The following DCC variants were observed in gnomAD, a reference collection of about 807,000 sequenced individuals.
DCC encodes DCC netrin 1 receptor.
In DCC, 58 loss-of-function variants were observed where a neutral mutation model predicts 172.5. The ratio of observed to expected loss-of-function variants is 0.34; its 90% CI spans 0.27 to 0.42. The LOEUF (loss-of-function observed/expected upper bound fraction) is 0.42. Ranked by LOEUF, DCC falls within the 10% of genes least tolerant of loss-of-function variation. DCC has a pLI of 1.00. For missense variants in DCC, 1,740 were observed against 1,791.0 expected, an observed-to-expected ratio of 0.97 and a Z score of 0.51; for synonymous variants, 709 against 644.5, an observed-to-expected ratio of 1.10 and a Z score of -1.52.
intron 1 of DCC, among the ~76,000 whole-genome samples, chr18:52,402,103 A>G (rs1348680594): frequency 1.3e-5 from 2 of 152,052 alleles, no homozygotes; most frequent in Non-Finnish European, 2.9e-5. Flanking sequence ...CCATGGACAT[A>G]TCTAACTGAT....
At chr18:52,464,680 G>C (rs1376001724) in intron 1 of DCC, among the ~76,000 whole-genome samples, 1 of 152,104 alleles carries the variant, frequency 6.6e-6, no homozygotes, top group Admixed American at 6.5e-5. Flanking sequence ...TTCAACTTGA[G>C]TTTGAAAGAG....
At chr18:53,119,503 A>G in intron 7 of DCC, among the ~76,000 whole-genome samples, 1 of 151,854 alleles carries the variant, frequency 6.6e-6, no homozygotes, top group East Asian at 1.9e-4. Context: ...CCACTCTTGT[A>G]GAAATTAGAA....
At chr18:52,765,120 C>T (rs1247852967) in intron 2 of DCC, among the ~76,000 whole-genome samples, 1 of 151,644 alleles carries the variant, frequency 6.6e-6, no homozygotes, top group African/African-American at 2.4e-5. Context: ...CCTCCGCCTC[C>T]CAGGTTCAAG....
chr18:53,494,201 A>T (rs1462280527), intron 26 of DCC, among the ~76,000 whole-genome samples: 1 of 152,128 alleles, frequency 6.6e-6, no homozygotes, highest in Non-Finnish European at 1.5e-5. Context: ...ACTGTTTATT[A>T]TTTCCGTTCC....
chr18:52,925,243 G>A lies in DCC; in HGVS notation c.858G>A (p.Lys286=), dbSNP rs774701409. 2 of 1,612,186 alleles carry A rather than the reference G, an allele frequency of 1.2e-6. No individual in the cohort carries two copies. Among genetic ancestry groups the A allele is most frequent in the Non-Finnish European group, 8.5e-7 (1 of 1,178,630 alleles). Residue 286 remains lysine (K), a synonymous_variant, in exon 5 of 29, where the codon AAG becomes AAA. Transcript: ENST00000442544. ...TCCCTATGTCTTGCAGGTCTAAAAA[G>A]TATTCTTTATTGGGTGGAAGCAACT... The part of the protein sequence containing the change: ...GEEVIQLRSK[K]YSLLGGSNLL...
intron 22 of DCC, among the ~76,000 whole-genome samples, chr18:53,450,040 G>A (rs987318503): frequency 2.0e-5 from 3 of 151,784 alleles, no homozygotes; most frequent in Admixed American, 6.6e-5. Flanking sequence ...TTAGCACAGT[G>A]TTTCCATAGT....
chr18:53,256,373 T>C (rs1341402587), intron 12 of DCC, among the ~76,000 whole-genome samples: 1 of 152,312 alleles, frequency 6.6e-6, no homozygotes, highest in African/African-American at 2.4e-5. Context: ...TTAATCCATC[T>C]TGAATTAATT....
intron 12 of DCC, among the ~76,000 whole-genome samples, chr18:53,278,110 A>G (rs2144721284): frequency 6.6e-6 from 1 of 152,298 alleles, no homozygotes; most frequent in African/African-American, 2.4e-5. Context: ...CTAGACAAGT[A>G]GTGTATATAT....
Position 52,732,550 on chromosome 18 carries a change from A to G in DCC, c.92-19504A>G, listed in dbSNP as rs566084109. Among the ~76,000 whole-genome samples, 12 of 152,296 alleles carry G rather than the reference A, an allele frequency of 7.9e-5. No homozygotes were observed. The South Asian group carries it at 2.3e-3, about 29-fold the overall frequency. ...ATGCCTGTTTCTTTTCCCACTGTCT[A>G]TGGCTGCTTTTCTGCTGCAATAACG... On this transcript the variant is annotated intron_variant, in intron 1 of 28. Transcript: ENST00000442544.
intron 27 of DCC, among the ~76,000 whole-genome samples, chr18:53,519,465 T>C (rs2046375191): frequency 6.6e-6 from 1 of 151,824 alleles, no homozygotes; most frequent in African/African-American, 2.4e-5. Context: ...AGAGCCCCAG[T>C]ACTGATCCTC....
chr18:52,994,633 G>A (rs1325481430), intron 5 of DCC, among the ~76,000 whole-genome samples: 1 of 152,112 alleles, frequency 6.6e-6, no homozygotes, highest in East Asian at 1.9e-4. Context: ...TAGTTGGAAA[G>A]ATAATTCTAG....
intron 1 of DCC, among the ~76,000 whole-genome samples, chr18:52,355,804 G>C (rs970102032): frequency 6.6e-6 from 1 of 152,108 alleles, no homozygotes; most frequent in African/African-American, 2.4e-5. Context: ...ATGGGTGAGA[G>C]GTGCAGTTAG....
At chr18:53,333,499 C>T (rs539826573) in intron 14 of DCC, among the ~76,000 whole-genome samples, 7 of 152,288 alleles carry the variant, frequency 4.6e-5, no homozygotes, top group South Asian at 2.1e-4. Context: ...TATGTGGTGG[C>T]GACTGTTTGC....
intron 3 of DCC, among the ~76,000 whole-genome samples, chr18:52,919,816 C>G (rs2145478596): frequency 6.6e-6 from 1 of 152,008 alleles, no homozygotes. Context: ...AGGATGGACA[C>G]CACCTGACTT....
intron 5 of DCC, among the ~76,000 whole-genome samples, chr18:53,037,220 A>G (rs2042106667): frequency 1.3e-5 from 2 of 152,012 alleles, no homozygotes; most frequent in Non-Finnish European, 2.9e-5. Context: ...TTTGTGTTCT[A>G]ATTTAGATTC....
intron 5 of DCC, among the ~76,000 whole-genome samples, chr18:53,022,752 C>T (rs1474369877): frequency 6.6e-6 from 1 of 151,936 alleles, no homozygotes; most frequent in African/African-American, 2.4e-5. Context: ...CATCAATACA[C>T]TGGATACTTC....
chr18:52,482,309 C>A (rs372180412), intron 1 of DCC, among the ~76,000 whole-genome samples: 1 of 152,116 alleles, frequency 6.6e-6, no homozygotes, highest in Non-Finnish European at 1.5e-5. Context: ...ACCTAAGTAC[C>A]TCACCCCAAA....
chr18:53,353,809 G>T (rs1363644110), intron 15 of DCC, among the ~76,000 whole-genome samples: 1 of 151,894 alleles, frequency 6.6e-6, no homozygotes, highest in Admixed American at 6.6e-5. Context: ...TAGGGTACAT[G>T]TGCACAACGT....
At chr18:53,121,203 A>G (rs2043478931) in intron 7 of DCC, among the ~76,000 whole-genome samples, 1 of 151,920 alleles carries the variant, frequency 6.6e-6, no homozygotes, top group Non-Finnish European at 1.5e-5. Flanking sequence ...TTAGACAGAC[A>G]TGAAAAATGG....
Sources: allele counts gnomAD v4.1 joint callset (sites outside exome capture counted in the v4.1 genomes callset), GRCh38; gene constraint gnomAD v4.1.1; transcripts MANE v1.5; gene names NCBI Gene and HGNC (gene_info 2026-07-23, HGNC 2026-07-21).